ANP32E: variants seen among roughly 807,000 people sequenced by gnomAD.
ANP32E encodes the protein acidic nuclear phosphoprotein 32 family member E.
Under a neutral mutation model 35.3 loss-of-function variants are expected in ANP32E, and 14 were observed. The ratio of observed to expected loss-of-function variants is 0.40; its 90% CI spans 0.26 to 0.62. ANP32E has a LOEUF of 0.62. ANP32E is among the 20% of genes least tolerant of loss of function. The pLI is 0.45. For synonymous variants in ANP32E, 89 were observed against 110.4 expected (o/e 0.81, Z 1.22); for missense variants, 198 against 304.4 (o/e 0.65, Z 2.60).
intron 2 of ANP32E, 37 bp downstream of exon 2, chr1:150,231,740 A>G (rs782466374): frequency 1.3e-6 from 2 of 1,587,542 alleles, no homozygotes; most frequent in South Asian, 1.2e-5. Context: ...TAGCCGTGGC[A>G]TTGAAATCAT....
intron 3 of ANP32E, among the ~76,000 whole-genome samples, 185 bp from the exon 4 acceptor site, chr1:150,229,422 C>T (rs1222233694): frequency 1.3e-5 from 2 of 151,564 alleles, no homozygotes; most frequent in East Asian, 1.9e-4. Flanking sequence ...CTCAGCCTCC[C>T]GAGTAGCTGG....
rs1347195842 is a variant in ANP32E at position 150,219,078 on chromosome 1, A to C, written c.*1613T>G. 6.6e-6 allele frequency: 1 copy of C among 152,204 alleles called. No individual in the cohort carries two copies. Among genetic ancestry groups the C allele is most frequent in the African/African-American group, 2.4e-5 (1 of 41,446 alleles). The allele number at this position is 152,204 out of a possible 1,614,324, so 9.4% of individuals were successfully genotyped here. ...AAGTAACATCATAATTTTTACTTTA[A>C]AACACCAAGTCATACATTTTACATT... On this transcript the variant is annotated 3_prime_UTR_variant, in exon 7 of 7. Transcript: ENST00000583931.
chr1:150,235,260 G>A lies in ANP32E; in HGVS notation c.54+473C>T, dbSNP rs587706306. On this transcript the variant is annotated intron_variant, in intron 1 of 6. Transcript: ENST00000583931. This position sits in a 1 kb window ranked among gnomAD's most constrained non-coding sequence, Gnocchi z 4.2. ...CGCCCGTCGCGACGTCGGACGCCCA[G>A]GGCCTCGAGGCCGGGGAAGCCCACC... Among the ~76,000 whole-genome samples, 3 of 152,228 alleles carry A rather than the reference G, an allele frequency of 2.0e-5. No individual in the cohort carries two copies. Among genetic ancestry groups the A allele is most frequent in the Non-Finnish European group, 4.4e-5 (3 of 68,038 alleles).
Position 150,235,732 on chromosome 1 carries a change from C to G in ANP32E, c.54+1G>C. 6.2e-7 allele frequency: 1 copy of G among 1,613,392 alleles called. No individual in the cohort carries two copies. The highest frequency in any genetic ancestry group is 8.5e-7 in the Non-Finnish European group (1 of 1,179,710). On this transcript the variant is annotated splice_donor_variant, in intron 1 of 6. Transcript: ENST00000583931. LOFTEE classifies it high-confidence loss of function. The surrounding 1 kb of genome is among the most constrained non-coding windows in gnomAD (Gnocchi z 4.2). ...AAGCGGTGGGGGCTGAGTCATCTCA[C>G]CTCCTCCGGGGATCTGTTCCTTAAC...
At position 150,224,644 on chromosome 1, in the gene ANP32E, C is replaced by G. The variant is rs1258855680; in HGVS notation, c.682-1404G>C. 4.6e-5 allele frequency among the ~76,000 whole-genome samples: 7 copies of G among 152,172 alleles called. No homozygotes were observed. The East Asian group carries it at 1.3e-3, about 29-fold the overall frequency. ...TATAGCTCCTAACTCGCCAAGACCC[C>G]AAATGAATATAAATCCTATTTTTTC... On this transcript the variant is annotated intron_variant, in intron 5 of 6. Transcript: ENST00000583931.
intron 4 of ANP32E, among the ~76,000 whole-genome samples, chr1:150,227,277 C>T (rs1648952388): frequency 6.6e-6 from 1 of 152,104 alleles, no homozygotes; most frequent in Non-Finnish European, 1.5e-5. Context: ...AATCATTCTA[C>T]CAAAAAGACA....
At chr1:150,225,460 A>G (rs1474284880) in intron 5 of ANP32E, among the ~76,000 whole-genome samples, 1 of 151,976 alleles carries the variant, frequency 6.6e-6, no homozygotes, top group Non-Finnish European at 1.5e-5. Context: ...ATTTGAGGTC[A>G]GGAGTTCAAG....
chr1:150,220,296 C>T lies in ANP32E; in HGVS notation c.*395G>A, dbSNP rs1553837223. On this transcript the variant is annotated 3_prime_UTR_variant, in exon 7 of 7. Transcript: ENST00000583931. ...AATAACCAACTTACCACTCAAGAGA[C>T]TATTGTCATTTTATATTATAGCAAA... 6.7e-6 allele frequency: 1 copy of T among 150,226 alleles called. No homozygotes were observed. Among genetic ancestry groups the T allele is most frequent in the Non-Finnish European group, 1.5e-5 (1 of 68,108 alleles). 9.3% of individuals were successfully genotyped at this position (150,226 alleles called of 1,614,324 possible). A position where few individuals can be genotyped will look rare whatever the true frequency, so the allele number is the denominator to read the frequency against.
At chr1:150,230,222 A>G (rs1649246630) in intron 3 of ANP32E, among the ~76,000 whole-genome samples, 1 of 152,056 alleles carries the variant, frequency 6.6e-6, no homozygotes, top group Non-Finnish European at 1.5e-5. Context: ...TCAGCATGTC[A>G]GTTTTTCTTT....
chr1:150,233,628 A>G (rs1458568041), intron 1 of ANP32E, among the ~76,000 whole-genome samples: 1 of 152,114 alleles, frequency 6.6e-6, no homozygotes, highest in East Asian at 1.9e-4. Context: ...GAATGGACTT[A>G]ATCTTTAAGG....
Position 150,220,564 on chromosome 1 carries a change from A to C in ANP32E, c.*127T>G. The stretch of plus-strand genomic sequence containing the variant: ...GGAATGATAAGGCAAAAATAGTAAA[A>C]CCACACTTTTCCTATAAAAAGTTAC... On this transcript the variant is annotated 3_prime_UTR_variant, in exon 7 of 7. Coordinates refer to ENST00000583931, the MANE Select transcript of ANP32E (RefSeq NM_030920.5). The C allele has an allele frequency of 1.1e-6, 1 of 896,334 alleles. No homozygotes were observed. The highest frequency in any genetic ancestry group is 1.7e-6 in the Non-Finnish European group (1 of 578,882). The allele number at this position is 896,334 out of a possible 1,614,324, so 55.5% of individuals were successfully genotyped here.
At position 150,220,654 on chromosome 1, in the gene ANP32E, C is replaced by T. The variant is rs782250445; in HGVS notation, c.*37G>A. 1.3e-6 allele frequency: 2 copies of T among 1,576,834 alleles called. No individual in the cohort carries two copies. The highest frequency in any genetic ancestry group is 1.1e-5 in the South Asian group (1 of 90,278). ...ACAAAGATGTGATCACTCTATTGCA[C>T]ACCCAGAAACATTAGAGAATCTGGT... On this transcript the variant is annotated 3_prime_UTR_variant, in exon 7 of 7. Coordinates refer to ENST00000583931, the MANE Select transcript of ANP32E (RefSeq NM_030920.5).
chr1:150,229,891 C>T (rs1400481794), intron 3 of ANP32E, among the ~76,000 whole-genome samples: 1 of 152,212 alleles, frequency 6.6e-6, no homozygotes, highest in Non-Finnish European at 1.5e-5. Flanking sequence ...GGATTACAGG[C>T]GCAAGCCACC....
At chr1:150,234,468 A>T in intron 1 of ANP32E, 1 of 463,730 alleles carries the variant, frequency 2.2e-6, no homozygotes, top group Non-Finnish European at 2.8e-6. Context: ...CACACGCCGG[A>T]CGCGAAAGCC....
At chr1:150,232,416 C>CA (rs1553842035) in intron 1 of ANP32E, among the ~76,000 whole-genome samples, 1 of 150,680 alleles carries the variant, frequency 6.6e-6, no homozygotes, top group African/African-American at 2.4e-5. Context: ...CATTTCCCCC[C>CA]AAAACTGATA....
chr1:150,223,635 A>C (rs11205343), intron 5 of ANP32E, among the ~76,000 whole-genome samples: 71,312 of 137,248 alleles, frequency 0.52, 19,785 homozygotes, highest in African/African-American at 0.74. Flanking sequence ...GAGCTGAGAT[A>C]GCGCCATTGC....
chr1:150,229,701 C>T (rs587661784), intron 3 of ANP32E, among the ~76,000 whole-genome samples: 13 of 152,350 alleles, frequency 8.5e-5, no homozygotes, highest in African/African-American at 2.9e-4. Flanking sequence ...TGGTCTCGAA[C>T]TCCTGACCTC....
In ANP32E at chr1:150,226,772, C is replaced by T. The variant is rs587740119; in HGVS notation, c.517G>A (p.Glu173Lys). 2 of 1,604,118 alleles carry T rather than the reference C, an allele frequency of 1.2e-6. No homozygotes were observed. Among genetic ancestry groups the T allele is most frequent in the East Asian group, 4.5e-5 (2 of 44,722 alleles). ...DEDGDEDDEEEEENEAGPPEG... is the reference protein window; with the variant it reads ...DEDGDEDDEEKEENEAGPPEG... ...GGTGGACCAGCTTCATTTTCCTCTTCCTCTTCATCATCTTCATCGCCATCT... is the reference window on the plus strand; with the variant it reads ...GGTGGACCAGCTTCATTTTCCTCTTTCTCTTCATCATCTTCATCGCCATCT... Residue 173 changes from glutamate (E) to lysine (K), a missense_variant, in exon 5 of 7, where the codon GAA (glutamate) becomes AAA (lysine). Around this residue, in one of 4 missense-constraint regions of ANP32E, gnomAD observed 121 missense variants for 137.3 expected, o/e 0.88. Transcript: ENST00000583931.
Position 150,235,656 on chromosome 1 carries a change from C to T in ANP32E, c.54+77G>A. 6.3e-7 allele frequency: 1 copy of T among 1,581,244 alleles called. No homozygotes were observed. ...TAACTTATTACTCCATCCCCGCACACCCACCCAGGACCACCAGAAATCCGA... is the reference window on the plus strand; with the variant it reads ...TAACTTATTACTCCATCCCCGCACATCCACCCAGGACCACCAGAAATCCGA... On this transcript the variant is annotated intron_variant, in intron 1 of 6. Coordinates refer to ENST00000583931, the MANE Select transcript of ANP32E (RefSeq NM_030920.5). This position sits in a 1 kb window ranked among gnomAD's most constrained non-coding sequence, Gnocchi z 4.2.
Sources: allele counts gnomAD v4.1 joint callset (sites outside exome capture counted in the v4.1 genomes callset), GRCh38; gene constraint gnomAD v4.1.1; regional missense constraint gnomAD v4.1.1; non-coding constraint Gnocchi (gnomAD v3.1); transcripts MANE v1.5; gene names NCBI Gene and HGNC (gene_info 2026-07-23, HGNC 2026-07-21).